GALNT13: variants seen among roughly 807,000 people sequenced by gnomAD.
GALNT13 encodes polypeptide N-acetylgalactosaminyltransferase 13, also known as UDP-GalNAc:polypeptide N-acetylgalactosaminyltransferase 13.
Under a neutral mutation model 64.2 loss-of-function variants are expected in GALNT13, and 28 were observed. That is an observed-to-expected ratio of 0.44 (90% CI 0.32 to 0.60). The LOEUF (loss-of-function observed/expected upper bound fraction) is 0.60. Among genes scored for constraint, GALNT13 ranks in the 20% least tolerant of loss-of-function variants. The pLI is 0.05. For synonymous variants in GALNT13, 214 were observed against 224.6 expected (o/e 0.95, Z 0.42); for missense variants, 577 against 669.8 (o/e 0.86, Z 1.53).
chr2:154,082,307 A>G (rs1310126675), intron 3 of GALNT13, among the ~76,000 whole-genome samples: 1 of 151,644 alleles, frequency 6.6e-6, no homozygotes, highest in African/African-American at 2.4e-5. Context: ...CCTCTGTCTT[A>G]TGTGCCAGAG....
chr2:153,503,421 C>G, the GALNT13 span, among the ~76,000 whole-genome samples: 1 of 151,972 alleles, frequency 6.6e-6, no homozygotes, highest in South Asian at 2.1e-4. Context: ...TCCATTTGGT[C>G]TATGTGCCTA....
At chr2:153,753,834 G>C in the GALNT13 span, among the ~76,000 whole-genome samples, 1 of 152,178 alleles carries the variant, frequency 6.6e-6, no homozygotes, top group Non-Finnish European at 1.5e-5. Context: ...AGGTTTAGAG[G>C]TGTCATCCAG....
intron 9 of GALNT13, among the ~76,000 whole-genome samples, chr2:154,389,423 G>A (rs1304608944): frequency 6.6e-6 from 1 of 152,164 alleles, no homozygotes; most frequent in East Asian, 1.9e-4. Flanking sequence ...ATAGGCATGA[G>A]CCACAGTGGC....
intron 3 of GALNT13, among the ~76,000 whole-genome samples, chr2:153,994,488 C>T (rs930648491): frequency 3.3e-5 from 5 of 152,198 alleles, no homozygotes; most frequent in African/African-American, 9.6e-5. Flanking sequence ...TGAGGAATCG[C>T]CACACTGTCT....
chr2:153,778,399 C>T, the GALNT13 span, among the ~76,000 whole-genome samples: 37 of 152,158 alleles, frequency 2.4e-4, no homozygotes, highest in African/African-American at 8.9e-4. Context: ...AGTCAGGGAC[C>T]ACGCCCTCCT....
chr2:153,264,701 C>A, the GALNT13 span, among the ~76,000 whole-genome samples: 4 of 152,080 alleles, frequency 2.6e-5, no homozygotes, highest in Non-Finnish European at 5.9e-5. Context: ...ATGCAGGAAC[C>A]AAAAACCAAA....
intron 4 of GALNT13, among the ~76,000 whole-genome samples, chr2:154,241,466 A>G (rs1421234433): frequency 6.6e-6 from 1 of 152,202 alleles, no homozygotes; most frequent in Non-Finnish European, 1.5e-5. Context: ...AACATAGGGA[A>G]ATTTTAGAGG....
chr2:153,421,813 G>T, the GALNT13 span: 3 of 184,922 alleles, frequency 1.6e-5, no homozygotes, highest in South Asian at 3.4e-4. Context: ...AAGAGGCGTA[G>T]AATCAATTAT....
chr2:153,125,184 A>G, the GALNT13 span, among the ~76,000 whole-genome samples: 1 of 152,304 alleles, frequency 6.6e-6, no homozygotes, highest in South Asian at 2.1e-4. Flanking sequence ...TTATATGGCA[A>G]CCTTATGCCC....
At chr2:154,032,532 T>C (rs1407915405) in intron 3 of GALNT13, among the ~76,000 whole-genome samples, 5 of 151,708 alleles carry the variant, frequency 3.3e-5, no homozygotes, top group African/African-American at 9.7e-5. Context: ...TTAAGAAAAA[T>C]CATCTAGTAG....
chr2:154,058,862 G>A (rs1317690502), intron 3 of GALNT13, among the ~76,000 whole-genome samples: 1 of 152,152 alleles, frequency 6.6e-6, no homozygotes, highest in Non-Finnish European at 1.5e-5. Flanking sequence ...TTAAGGAGAA[G>A]GGTAATGTAG....
At chr2:153,920,075 A>C (rs1056413693) in intron 2 of GALNT13, among the ~76,000 whole-genome samples, 1 of 149,836 alleles carries the variant, frequency 6.7e-6, no homozygotes, top group East Asian at 1.9e-4. Flanking sequence ...TAGAAAAAAT[A>C]ATACCTTCTA....
intron 3 of GALNT13, among the ~76,000 whole-genome samples, chr2:154,073,440 A>G (rs72621670): frequency 0.086 from 13,082 of 152,002 alleles, 1,520 homozygotes; most frequent in East Asian, 0.62. Context: ...TCAAGTGACA[A>G]TTTGAATTTT....
At chr2:153,611,227 G>A in the GALNT13 span, among the ~76,000 whole-genome samples, 1 of 152,156 alleles carries the variant, frequency 6.6e-6, no homozygotes, top group Admixed American at 6.6e-5. Flanking sequence ...GACTAGCCAA[G>A]TATTTGGGTT....
the GALNT13 span, among the ~76,000 whole-genome samples, chr2:153,857,526 T>TA: frequency 3.2e-4 from 49 of 152,160 alleles, no homozygotes; most frequent in Non-Finnish European, 5.3e-4. Flanking sequence ...AAAGCATTCG[T>TA]AAAAAATCAT....
At chr2:154,212,550 A>G (rs888550606) in intron 4 of GALNT13, among the ~76,000 whole-genome samples, 1 of 151,862 alleles carries the variant, frequency 6.6e-6, no homozygotes, top group Admixed American at 6.6e-5. Flanking sequence ...AGCCCAGGCA[A>G]TTTAAATGTA....
intron 1 of GALNT13, among the ~76,000 whole-genome samples, chr2:153,872,870 CGT>C (rs1443599844): frequency 6.6e-6 from 1 of 152,140 alleles, no homozygotes; most frequent in East Asian, 1.9e-4. Flanking sequence ...TCATTCTCGC[CGT>C]GTGTGTCTCT....
chr2:154,427,427 AT>A (rs1220748723), intron 11 of GALNT13, among the ~76,000 whole-genome samples: 2 of 152,216 alleles, frequency 1.3e-5, no homozygotes, highest in South Asian at 2.1e-4. Flanking sequence ...CTTTAAGGAG[AT>A]TAGCCTTTTG....
chr2:153,681,037 C>T, the GALNT13 span, among the ~76,000 whole-genome samples: 1 of 151,906 alleles, frequency 6.6e-6, no homozygotes, highest in South Asian at 2.1e-4. Context: ...TAGAGAAGTC[C>T]TCCAACAAAA....
Sources: allele counts gnomAD v4.1 joint callset (sites outside exome capture counted in the v4.1 genomes callset), GRCh38; gene constraint gnomAD v4.1.1; transcripts MANE v1.5; gene names NCBI Gene and HGNC (gene_info 2026-07-23, HGNC 2026-07-21).